The following MCCC2 variants were observed in gnomAD, a reference collection of about 807,000 sequenced individuals.
The protein encoded by MCCC2 is methylcrotonyl-CoA carboxylase subunit 2.
A neutral mutation model predicts 77.2 loss-of-function variants in MCCC2; 52 were observed. The observed-to-expected ratio is 0.67, with a 90% CI of 0.54 to 0.85. The LOEUF is 0.85. Among genes scored for constraint, MCCC2 ranks in the 40% least tolerant of loss-of-function variants. The pLI, the probability that MCCC2 is intolerant of heterozygous loss-of-function variation, is 0.00. For missense variants in MCCC2, 682 were observed against 703.2 expected, an observed-to-expected ratio of 0.97 and a Z score of 0.34; for synonymous variants, 253 against 248.4, an observed-to-expected ratio of 1.02 and a Z score of -0.18.
chr5:71,631,538 C>CT (rs544704315), intron 7 of MCCC2, among the ~76,000 whole-genome samples: 14,028 of 128,136 alleles, frequency 0.11, 1,010 homozygotes, highest in East Asian at 0.28. Context: ...GGTCTTTCTT[C>CT]TTTTTTTTTT....
chr5:71,607,074 A>G (rs1469032436), intron 6 of MCCC2, among the ~76,000 whole-genome samples: 4 of 151,508 alleles, frequency 2.6e-5, no homozygotes, highest in Non-Finnish European at 5.9e-5. Flanking sequence ...TTGGTATCAG[A>G]ATGATGCTGG....
At chr5:71,646,319 A>T in intron 13 of MCCC2, 42 bp downstream of exon 13, 1 of 1,574,598 alleles carries the variant, frequency 6.4e-7, no homozygotes. Context: ...TTGATTCCAG[A>T]GCTGTACCAT....
At position 71,646,081 on chromosome 5, in the gene MCCC2, T is replaced by G. The variant is rs918882456; in HGVS notation, c.1150-130T>G. 4 of 705,068 alleles carry G rather than the reference T, an allele frequency of 5.7e-6. 1 individual carries two copies. The South Asian group carries it at 7.1e-5, about 13-fold the overall frequency. 43.7% of individuals were successfully genotyped at this position (705,068 alleles called of 1,614,324 possible). A position where few individuals can be genotyped will look rare whatever the true frequency, so the allele number is the denominator to read the frequency against. On this transcript the variant is annotated intron_variant, in intron 12 of 16. Coordinates refer to ENST00000340941, the MANE Select transcript of MCCC2 (RefSeq NM_022132.5). ...TGTTTCTTTAAAAAAAAAAAATTAA[T>G]AAGAAGAGAAAAAATTTTAAAGGGG...
intron 11 of MCCC2, among the ~76,000 whole-genome samples, chr5:71,642,128 T>A (rs1046850035): frequency 6.6e-6 from 1 of 152,050 alleles, no homozygotes; most frequent in African/African-American, 2.4e-5. Context: ...GGCACTCTTA[T>A]CCCCTAGAGT....
chr5:71,615,532 C>G (rs570166810), intron 6 of MCCC2, among the ~76,000 whole-genome samples: 309 of 152,310 alleles, frequency 2.0e-3, no homozygotes, highest in African/African-American at 6.3e-3. Flanking sequence ...ACCACCTCTA[C>G]ATCTCTACTT....
intron 11 of MCCC2, among the ~76,000 whole-genome samples, chr5:71,643,271 A>G (rs1057208197): frequency 8.6e-5 from 13 of 151,504 alleles, no homozygotes; most frequent in African/African-American, 2.9e-4. Flanking sequence ...AGTCTCAGCT[A>G]CTCAGGAGGC....
intron 6 of MCCC2, among the ~76,000 whole-genome samples, 185 bp downstream of exon 6, chr5:71,604,653 C>T (rs1221577223): frequency 6.6e-6 from 1 of 151,452 alleles, no homozygotes; most frequent in Non-Finnish European, 1.5e-5. Flanking sequence ...CATACGTACA[C>T]ATGTGCCATG....
At chr5:71,652,886 A>G in intron 16 of MCCC2, 132 bp downstream of exon 16, 1 of 799,064 alleles carries the variant, frequency 1.3e-6, no homozygotes, top group Non-Finnish European at 2.1e-6. Flanking sequence ...GACACACTTA[A>G]TTTTGTACTG....
At chr5:71,590,438 G>A (rs1744928738) in intron 1 of MCCC2, among the ~76,000 whole-genome samples, 1 of 152,200 alleles carries the variant, frequency 6.6e-6, no homozygotes, top group Non-Finnish European at 1.5e-5. Flanking sequence ...TTGCTTAAAA[G>A]TACGTTGTTT....
intron 6 of MCCC2, among the ~76,000 whole-genome samples, chr5:71,621,689 A>G (rs1746352957): frequency 6.6e-6 from 1 of 152,272 alleles, no homozygotes; most frequent in East Asian, 1.9e-4. Flanking sequence ...TATTTCTGTC[A>G]TCAGAATTTG....
chr5:71,616,917 A>G (rs1219068315), intron 6 of MCCC2, among the ~76,000 whole-genome samples: 4 of 152,016 alleles, frequency 2.6e-5, no homozygotes, highest in South Asian at 4.2e-4. Flanking sequence ...GGCCTTTGTT[A>G]CCACTAGACT....
At chr5:71,604,239 CAG>C (rs1745573474) in intron 5 of MCCC2, 115 bp from the exon 6 acceptor site, 1 of 868,582 alleles carries the variant, frequency 1.2e-6, no homozygotes, top group Non-Finnish European at 1.9e-6. Context: ...TTTAGAAAGA[CAG>C]GGCAAGTTTT....
At chr5:71,654,628 G>A (rs1384856319) in intron 16 of MCCC2, among the ~76,000 whole-genome samples, 1 of 151,978 alleles carries the variant, frequency 6.6e-6, no homozygotes, top group Non-Finnish European at 1.5e-5. Flanking sequence ...TTGAAAAATT[G>A]TGTATTTTGT....
chr5:71,634,438 G>A (rs1746846537), intron 8 of MCCC2, among the ~76,000 whole-genome samples: 1 of 152,202 alleles, frequency 6.6e-6, no homozygotes, highest in South Asian at 2.1e-4. Context: ...TAGGGAGGGG[G>A]CTCAGAGTTC....
chr5:71,646,963 C>T (rs890662887), intron 13 of MCCC2, among the ~76,000 whole-genome samples: 3 of 152,136 alleles, frequency 2.0e-5, no homozygotes, highest in South Asian at 2.1e-4. Flanking sequence ...TGAGTTTTGG[C>T]CCCAAAGAAT....
intron 1 of MCCC2, among the ~76,000 whole-genome samples, chr5:71,588,275 A>G (rs1744841120): frequency 6.6e-6 from 1 of 152,002 alleles, no homozygotes; most frequent in Non-Finnish European, 1.5e-5. Context: ...TCTCAAAAAA[A>G]AAAAAAAAAA....
intron 6 of MCCC2, among the ~76,000 whole-genome samples, chr5:71,610,464 G>A (rs1745890075): frequency 6.6e-6 from 1 of 152,148 alleles, no homozygotes; most frequent in Admixed American, 6.5e-5. Flanking sequence ...TGCGCCCACT[G>A]TCTGGCACTC....
chr5:71,607,691 C>T (rs1745742713), intron 6 of MCCC2, among the ~76,000 whole-genome samples: 1 of 148,506 alleles, frequency 6.7e-6, no homozygotes. Flanking sequence ...TTGGATCTTT[C>T]CTGCTTTCTC....
rs1746865964 is a variant in MCCC2 at position 71,634,942 on chromosome 5, G to A, written c.804-1G>A. 6.2e-7 allele frequency: 1 copy of A among 1,613,800 alleles called. No individual in the cohort carries two copies. The highest frequency in any genetic ancestry group is 8.5e-7 in the Non-Finnish European group (1 of 1,179,818). ...ACAAGTTTAGTTTGCTTATTCTGTA[G>A]AAAGTCTGGAGTAAGTGACCACTGG... is the stretch of plus-strand genomic sequence containing the variant. On this transcript the variant is annotated splice_acceptor_variant, in intron 8 of 16. Coordinates refer to ENST00000340941, the MANE Select transcript of MCCC2 (RefSeq NM_022132.5). LOFTEE classifies it high-confidence loss of function.
Sources: allele counts gnomAD v4.1 joint callset (sites outside exome capture counted in the v4.1 genomes callset), GRCh38; gene constraint gnomAD v4.1.1; transcripts MANE v1.5; gene names NCBI Gene and HGNC (gene_info 2026-07-23, HGNC 2026-07-21).